RNMT: variants seen among roughly 807,000 people sequenced by gnomAD.
The protein encoded by RNMT is mRNA cap guanine-N(7) methyltransferase.
In RNMT, 27 loss-of-function variants were observed where a neutral mutation model predicts 56.0. That is an observed-to-expected ratio of 0.48 (90% CI 0.36 to 0.67). RNMT has a LOEUF of 0.67. RNMT is among the 30% of genes least tolerant of loss of function. The pLI, the probability that RNMT is intolerant of heterozygous loss-of-function variation, is 0.00. For missense variants in RNMT, 519 were observed against 552.1 expected, an observed-to-expected ratio of 0.94 and a Z score of 0.60; for synonymous variants, 184 against 176.2, an observed-to-expected ratio of 1.04 and a Z score of -0.35.
At chr18:13,726,841 A>G (rs1337029636) in intron 1 of RNMT, 112 bp downstream of exon 1, 1 of 152,230 alleles carries the variant, frequency 6.6e-6, no homozygotes, top group Non-Finnish European at 1.5e-5. Context: ...ACTTCGCATT[A>G]GCCCTGTGCT....
intron 10 of RNMT, among the ~76,000 whole-genome samples, chr18:13,752,814 T>G (rs2044473084): frequency 6.6e-6 from 1 of 152,248 alleles, no homozygotes; most frequent in Admixed American, 6.5e-5. Context: ...TTAAGAATGA[T>G]TACTACAATA....
chr18:13,739,409 C>T (rs1279464920), intron 5 of RNMT, among the ~76,000 whole-genome samples: 1 of 152,202 alleles, frequency 6.6e-6, no homozygotes, highest in Non-Finnish European at 1.5e-5. Flanking sequence ...GAAGTACTGC[C>T]AGTACCATTT....
intron 4 of RNMT, 64 bp from the exon 5 acceptor site, chr18:13,736,946 A>G: frequency 1.4e-6 from 2 of 1,427,996 alleles, no homozygotes; most frequent in African/African-American, 1.4e-5. Context: ...ATTAGAGGTA[A>G]CAGTTTATAC....
chr18:13,743,620 G>T (rs559396313), intron 8 of RNMT, among the ~76,000 whole-genome samples: 63 of 152,140 alleles, frequency 4.1e-4, no homozygotes, highest in Non-Finnish European at 5.3e-4. Context: ...GAGTTTCCCC[G>T]GTGGGGAGAG....
Position 13,762,063 on chromosome 18 carries a change from A to G in RNMT, c.*2084A>G, listed in dbSNP as rs1461053889. On this transcript the variant is annotated 3_prime_UTR_variant, in exon 12 of 12. Coordinates refer to ENST00000383314, the MANE Select transcript of RNMT (RefSeq NM_003799.3). ...GGACTTACGGTAACTATTATGAGGG[A>G]GGCATGGCTTTCCACCGTCGGGCCA... 16 of 1,535,932 alleles carry G rather than the reference A, an allele frequency of 1.0e-5. No individual in the cohort carries two copies. Among genetic ancestry groups the G allele is most frequent in the Admixed American group, 2.0e-5 (1 of 50,978 alleles).
At chr18:13,753,500 A>G (rs77161484) in intron 10 of RNMT, among the ~76,000 whole-genome samples, 1,728 of 149,182 alleles carry the variant, frequency 0.012, 36 homozygotes, top group African/African-American at 0.041. Context: ...GCCGGGCGCA[A>G]TGGCTCAACG....
intron 10 of RNMT, 105 bp downstream of exon 10, chr18:13,752,532 T>G (rs1446822861): frequency 1.5e-6 from 1 of 687,712 alleles, no homozygotes; most frequent in Non-Finnish European, 2.5e-6. Flanking sequence ...TTAGGCTCAC[T>G]GACTTACAAA....
Position 13,753,226 on chromosome 18 carries a change from T to C in RNMT, c.1359+799T>C, listed in dbSNP as rs573314047. Among the ~76,000 whole-genome samples the C allele has an allele frequency of 4.3e-4, 65 of 152,258 alleles. No individual in the cohort carries two copies. The South Asian group carries it at 7.3e-3, about 17-fold the overall frequency. On this transcript the variant is annotated intron_variant, in intron 10 of 11. Transcript: ENST00000383314. The stretch of plus-strand genomic sequence containing the variant: ...GCTCACGCCTGTAATCCCAGCACTT[T>C]GGGAGGCCGAGGCAGGTGGATCATG...
chr18:13,729,358 T>C (rs2044029510), intron 1 of RNMT, among the ~76,000 whole-genome samples: 1 of 152,248 alleles, frequency 6.6e-6, no homozygotes, highest in African/African-American at 2.4e-5. Context: ...ATCTGTGATA[T>C]CATGAAAGTG....
intron 3 of RNMT, among the ~76,000 whole-genome samples, chr18:13,733,333 G>A (rs2044105491): frequency 6.6e-6 from 1 of 152,080 alleles, no homozygotes; most frequent in Admixed American, 6.6e-5. Flanking sequence ...ATATATAATA[G>A]CATTATTATA....
intron 9 of RNMT, among the ~76,000 whole-genome samples, chr18:13,750,597 T>G (rs1287165111): frequency 6.6e-6 from 1 of 152,034 alleles, no homozygotes; most frequent in Admixed American, 6.6e-5. Flanking sequence ...ACCAGAAATT[T>G]AAGACCAGCC....
chr18:13,761,504 CT>C lies in RNMT; in HGVS notation c.*1527del. 1.0e-6 allele frequency: 1 copy of C among 987,444 alleles called. No individual in the cohort carries two copies. Among genetic ancestry groups the C allele is most frequent in the Non-Finnish European group, 1.2e-6 (1 of 831,192 alleles). 61.2% of individuals were successfully genotyped at this position (987,444 alleles called of 1,614,324 possible). A position where few individuals can be genotyped will look rare whatever the true frequency, so the allele number is the denominator to read the frequency against. On this transcript the variant is annotated 3_prime_UTR_variant, in exon 12 of 12. Transcript: ENST00000383314. The stretch of plus-strand genomic sequence containing the variant: ...ATTTCCTCTGTTCACATTTACTGGT[CT>C]TAATTAACAGGTAATAATAATACAT...
At chr18:13,737,742 TC>T (rs2044186321) in intron 5 of RNMT, among the ~76,000 whole-genome samples, 2 of 151,608 alleles carry the variant, frequency 1.3e-5, no homozygotes, top group South Asian at 4.2e-4. Flanking sequence ...GTTGGACACA[TC>T]AAATCAGAAA....
At chr18:13,746,970 G>T (rs1188625932) in intron 9 of RNMT, among the ~76,000 whole-genome samples, 2 of 152,168 alleles carry the variant, frequency 1.3e-5, no homozygotes, top group African/African-American at 4.8e-5. Flanking sequence ...ATCTATATAA[G>T]CTTCAATTAC....
Position 13,761,714 on chromosome 18 carries a change from T to G in RNMT, c.*1735T>G. Reference sequence around the variant, plus strand: ...AGATCTGAGAAGATGCTCTGGGGACTGAGCCCACTGTTGTTGGTGTCAGGG... The same window carrying G: ...AGATCTGAGAAGATGCTCTGGGGACGGAGCCCACTGTTGTTGGTGTCAGGG... On this transcript the variant is annotated 3_prime_UTR_variant, in exon 12 of 12. Transcript: ENST00000383314. 1 of 1,118,400 alleles carries G rather than the reference T, an allele frequency of 8.9e-7. No individual in the cohort carries two copies. Among genetic ancestry groups the G allele is most frequent in the East Asian group, 7.6e-5 (1 of 13,086 alleles). 69.3% of individuals were successfully genotyped at this position (1,118,400 alleles called of 1,614,324 possible). A position where few individuals can be genotyped will look rare whatever the true frequency, so the allele number is the denominator to read the frequency against.
chr18:13,734,444 C>T lies in RNMT; in HGVS notation c.418-20C>T, dbSNP rs1280780931. On this transcript the variant is annotated intron_variant, in intron 3 of 11. Transcript: ENST00000383314. ...CCATGTTCTGATCCTTGATTTTTTT[C>T]TATTCTCTTTTATTTTCAGAATCTG... is the stretch of plus-strand genomic sequence containing the variant. 5.1e-6 allele frequency: 8 copies of T among 1,583,258 alleles called. No individual in the cohort carries two copies. In the Admixed American group the frequency reaches 7.5e-5, roughly 15 times the overall value.
At chr18:13,736,977 G>A (rs1364810834) in intron 4 of RNMT, 33 bp from the exon 5 acceptor site, 4 of 1,592,524 alleles carry the variant, frequency 2.5e-6, no homozygotes, top group East Asian at 4.5e-5. Flanking sequence ...TTGAAGAAGA[G>A]GTAGTTTATT....
At chr18:13,738,367 C>T (rs1028182044) in intron 5 of RNMT, among the ~76,000 whole-genome samples, 1 of 152,180 alleles carries the variant, frequency 6.6e-6, no homozygotes, top group African/African-American at 2.4e-5. Flanking sequence ...CAACTGGATT[C>T]TCACACCTGT....
chr18:13,743,331 AAT>A (rs1388400321), intron 8 of RNMT, among the ~76,000 whole-genome samples: 270 of 10,208 alleles, frequency 0.026, 15 homozygotes, highest in Middle Eastern at 0.1. Context: ...TCAAAAAAAA[AAT>A]AAATAAATAA....
Sources: allele counts gnomAD v4.1 joint callset (sites outside exome capture counted in the v4.1 genomes callset), GRCh38; gene constraint gnomAD v4.1.1; transcripts MANE v1.5; gene names NCBI Gene and HGNC (gene_info 2026-07-23, HGNC 2026-07-21).